Variants in CDH12 observed in about 807,000 individuals in gnomAD.
CDH12 encodes cadherin 12.
A neutral mutation model predicts 74.1 loss-of-function variants in CDH12; 41 were observed. The observed-to-expected ratio is 0.55, with a 90% CI of 0.43 to 0.72. The LOEUF (loss-of-function observed/expected upper bound fraction) is 0.72, where lower values mean the gene tolerates loss of function less well. Among genes scored for constraint, CDH12 ranks in the 30% least tolerant of loss-of-function variants. CDH12 has a pLI of 0.00. For missense variants in CDH12, 945 were observed against 977.2 expected (o/e 0.97, Z 0.44); for synonymous variants, 399 against 355.0 (o/e 1.12, Z -1.39).
chr5:21,925,511 T>C (rs1042530394), intron 6 of CDH12, among the ~76,000 whole-genome samples: 1 of 152,194 alleles, frequency 6.6e-6, no homozygotes, highest in South Asian at 2.1e-4. Context: ...TTACCTATGT[T>C]TGAAATTAAA....
chr5:22,815,713 T>A (rs1749355129), intron 1 of CDH12, among the ~76,000 whole-genome samples: 1 of 143,870 alleles, frequency 7.0e-6, no homozygotes, highest in East Asian at 2.0e-4. Flanking sequence ...CAGTTTGCAG[T>A]GAGCTGAGAT....
intron 3 of CDH12, among the ~76,000 whole-genome samples, chr5:22,255,606 T>A (rs554771452): frequency 8.6e-4 from 130 of 151,842 alleles, no homozygotes; most frequent in Middle Eastern, 3.7e-3. Flanking sequence ...GTTTGTTACA[T>A]TTTTATTACA....
At chr5:22,553,867 C>T (rs1252392121) in intron 1 of CDH12, among the ~76,000 whole-genome samples, 1 of 152,036 alleles carries the variant, frequency 6.6e-6, no homozygotes, top group South Asian at 2.1e-4. Context: ...CTAGATCCCT[C>T]GCATGCACAT....
At chr5:22,440,863 G>C (rs1365605864) in intron 2 of CDH12, among the ~76,000 whole-genome samples, 3 of 152,110 alleles carry the variant, frequency 2.0e-5, no homozygotes, top group Non-Finnish European at 2.9e-5. Context: ...TGTCACAGAA[G>C]ATAAAATAGT....
chr5:22,645,869 A>G (rs557531960), intron 1 of CDH12, among the ~76,000 whole-genome samples: 1 of 152,092 alleles, frequency 6.6e-6, no homozygotes, highest in Admixed American at 6.6e-5. Context: ...TATATTACAT[A>G]TATATTGTAT....
At chr5:22,671,590 G>A (rs1026050313) in intron 1 of CDH12, among the ~76,000 whole-genome samples, 3 of 152,032 alleles carry the variant, frequency 2.0e-5, no homozygotes, top group Non-Finnish European at 4.4e-5. Context: ...ATCCCACAGG[G>A]AACAAAATTG....
chr5:21,770,984 C>G (rs1254019368), intron 11 of CDH12, among the ~76,000 whole-genome samples: 1 of 152,080 alleles, frequency 6.6e-6, no homozygotes, highest in Admixed American at 6.6e-5. Flanking sequence ...GCCACATGTT[C>G]TCAATTGTAA....
At chr5:21,956,908 CTTCT>C (rs1432122669) in intron 6 of CDH12, among the ~76,000 whole-genome samples, 2 of 151,732 alleles carry the variant, frequency 1.3e-5, no homozygotes, top group Non-Finnish European at 2.9e-5. Context: ...GGCTTGCTTT[CTTCT>C]TTTTTTTTTA....
intron 3 of CDH12, among the ~76,000 whole-genome samples, chr5:22,255,422 C>A (rs1242672372): frequency 1.3e-5 from 2 of 151,650 alleles, no homozygotes; most frequent in East Asian, 1.9e-4. Flanking sequence ...ATGCTAAAAA[C>A]ATTCATATTA....
chr5:22,064,605 TC>T (rs1741433625), intron 5 of CDH12, among the ~76,000 whole-genome samples: 1 of 152,108 alleles, frequency 6.6e-6, no homozygotes, highest in Non-Finnish European at 1.5e-5. Context: ...CTAACCAAAG[TC>T]TTGCAAGAGC....
At position 21,928,549 on chromosome 5, in the gene CDH12, C is replaced by T. The variant is rs188029217; in HGVS notation, c.526+46542G>A. ...ATGTCAGGAGTTGGAAAAGGATGAG[C>T]GATGGAAACAGAAAATATGCAGTGA... On this transcript the variant is annotated intron_variant, in intron 6 of 14. Transcript: ENST00000382254. 3.9e-5 allele frequency among the ~76,000 whole-genome samples: 6 copies of T among 152,150 alleles called. 1 individual carries two copies. The highest frequency in any genetic ancestry group is 3.3e-4 in the Admixed American group (5 of 15,272).
chr5:22,540,031 G>T (rs1485296698), intron 1 of CDH12, among the ~76,000 whole-genome samples: 1 of 152,132 alleles, frequency 6.6e-6, no homozygotes, highest in African/African-American at 2.4e-5. Flanking sequence ...TCAATGAGAT[G>T]TTCTACTGTG....
chr5:22,294,871 C>T (rs1453142712), intron 3 of CDH12, among the ~76,000 whole-genome samples: 6 of 152,196 alleles, frequency 3.9e-5, no homozygotes, highest in African/African-American at 1.4e-4. Context: ...CTCTTAGCCT[C>T]TTGCCAGCTT....
chr5:22,490,932 A>G (rs1746835945), intron 2 of CDH12, among the ~76,000 whole-genome samples: 1 of 152,148 alleles, frequency 6.6e-6, no homozygotes. Context: ...TACATACAGG[A>G]CAGCCTAGAT....
chr5:22,538,884 T>C (rs1399215996), intron 1 of CDH12, among the ~76,000 whole-genome samples: 1 of 152,134 alleles, frequency 6.6e-6, no homozygotes, highest in Non-Finnish European at 1.5e-5. Context: ...GGTATGCAAC[T>C]AGTTTGTTTG....
chr5:21,795,752 CTCTT>C (rs957965825), intron 10 of CDH12, among the ~76,000 whole-genome samples: 1 of 152,002 alleles, frequency 6.6e-6, no homozygotes, highest in African/African-American at 2.4e-5. Context: ...AGCTGGGCCT[CTCTT>C]TCTTCTCTCT....
chr5:22,108,555 A>C (rs1212773199), intron 4 of CDH12, among the ~76,000 whole-genome samples: 1 of 152,246 alleles, frequency 6.6e-6, no homozygotes, highest in Non-Finnish European at 1.5e-5. Flanking sequence ...ATAAGGAATC[A>C]GAATTGTGGC....
chr5:22,105,009 C>T (rs1316441364), intron 4 of CDH12, among the ~76,000 whole-genome samples: 3 of 152,082 alleles, frequency 2.0e-5, no homozygotes, highest in Non-Finnish European at 2.9e-5. Flanking sequence ...TCATGCTTTC[C>T]TTGGCTCATA....
At chr5:22,167,011 T>C (rs1399398085) in intron 4 of CDH12, among the ~76,000 whole-genome samples, 1 of 152,182 alleles carries the variant, frequency 6.6e-6, no homozygotes, top group African/African-American at 2.4e-5. Flanking sequence ...TATGAAAATA[T>C]TTTGAAAAGA....
Sources: gnomAD v4.1 joint callset for allele counts (sites outside exome capture counted in the v4.1 genomes callset) on GRCh38, gnomAD v4.1.1 for gene constraint, MANE v1.5 for transcripts, NCBI Gene and HGNC (gene_info 2026-07-23, HGNC 2026-07-21) for gene names.